ANKRD28: variants seen among roughly 807,000 people sequenced by gnomAD.
ANKRD28 encodes serine/threonine-protein phosphatase 6 regulatory ankyrin repeat subunit A.
A neutral mutation model predicts 126.5 loss-of-function variants in ANKRD28; 44 were observed. The ratio of observed to expected loss-of-function variants is 0.35; its 90% CI spans 0.27 to 0.45. The LOEUF (loss-of-function observed/expected upper bound fraction) is 0.45, where lower values mean the gene tolerates loss of function less well. Ranked by LOEUF, ANKRD28 falls within the 20% of genes least tolerant of loss-of-function variation. ANKRD28 has a pLI of 1.00. For missense variants in ANKRD28, 1,110 were observed against 1,316.6 expected, an observed-to-expected ratio of 0.84 and a Z score of 2.43; for synonymous variants, 442 against 468.5, an observed-to-expected ratio of 0.94 and a Z score of 0.73.
intron 4 of ANKRD28, among the ~76,000 whole-genome samples, chr3:15,742,766 C>A (rs1486863143): frequency 1.5e-5 from 2 of 132,238 alleles, no homozygotes; most frequent in Admixed American, 1.5e-4. Context: ...GGGTCAGCCC[C>A]CCGCCCGGCC....
chr3:15,819,802 G>C (rs891439264), intron 1 of ANKRD28, among the ~76,000 whole-genome samples: 2 of 152,176 alleles, frequency 1.3e-5, no homozygotes, highest in Non-Finnish European at 2.9e-5. Flanking sequence ...CACAAAGGCT[G>C]TTAAACCAAT....
rs1390579490 is a variant in ANKRD28, at chr3:15,797,440, A to AG, written c.-920dup. On this transcript the variant is annotated 5_prime_UTR_variant, in exon 1 of 28. Coordinates refer to ENST00000683139, the MANE Select transcript of ANKRD28 (RefSeq NM_001349278.2). The stretch of plus-strand genomic sequence containing the variant: ...AGTTGTCTGTGGCTGCTCCAGCAAA[A>AG]GGGCACAGGCACCAGGCAGAAATGG... The AG allele has an allele frequency of 1.0e-6, 1 of 985,432 alleles. No homozygotes were observed. The allele number at this position is 985,432 out of a possible 1,614,324, so 61.0% of individuals were successfully genotyped here. A position where few individuals can be genotyped will look rare whatever the true frequency, so the allele number is the denominator to read the frequency against.
intron 4 of ANKRD28, among the ~76,000 whole-genome samples, chr3:15,749,101 G>GTTTTTTTTTT (rs869266246): frequency 1.1e-4 from 6 of 53,072 alleles, no homozygotes; most frequent in Admixed American, 7.9e-4. Flanking sequence ...TTATGTTTTT[G>GTTTTTTTTTT]TTTTTTTTTT....
intron 1 of ANKRD28, among the ~76,000 whole-genome samples, chr3:15,857,121 C>G (rs756970485): frequency 2.0e-5 from 3 of 152,144 alleles, no homozygotes; most frequent in Non-Finnish European, 4.4e-5. Flanking sequence ...GCTAATAAAA[C>G]AACATATAAG....
intron 8 of ANKRD28, among the ~76,000 whole-genome samples, chr3:15,720,488 T>C (rs1037040366): frequency 6.6e-6 from 1 of 152,240 alleles, no homozygotes; most frequent in African/African-American, 2.4e-5. Context: ...ATCTGTTTAG[T>C]ATTTTCCTTC....
intron 26 of ANKRD28, 150 bp downstream of exon 26, chr3:15,676,824 T>G: frequency 1.8e-6 from 1 of 554,534 alleles, no homozygotes. Flanking sequence ...TGTGATCATT[T>G]TAGAAATGAG....
chr3:15,818,703 TG>T (rs1168117181), intron 1 of ANKRD28, among the ~76,000 whole-genome samples: 7 of 152,196 alleles, frequency 4.6e-5, no homozygotes, highest in Non-Finnish European at 7.3e-5. Flanking sequence ...TTAATATTTT[TG>T]GACCATAATT....
At chr3:15,820,939 A>G (rs9864129) in intron 1 of ANKRD28, among the ~76,000 whole-genome samples, 1 of 152,148 alleles carries the variant, frequency 6.6e-6, no homozygotes, top group Admixed American at 6.5e-5. Flanking sequence ...CAATACATAT[A>G]TGAACCAATT....
intron 4 of ANKRD28, among the ~76,000 whole-genome samples, chr3:15,746,019 T>C (rs1296503150): frequency 6.6e-6 from 1 of 152,210 alleles, no homozygotes; most frequent in East Asian, 1.9e-4. Flanking sequence ...TGGTCGCCAT[T>C]AGTGTATAGC....
chr3:15,767,700 TAAAAAAAAAAAAAAAAAAAAAAAAAAAA>T lies in ANKRD28; in HGVS notation c.202-1416_202-1389del, dbSNP rs57072807. On this transcript the variant is annotated intron_variant, in intron 2 of 27. Coordinates refer to ENST00000683139, the MANE Select transcript of ANKRD28 (RefSeq NM_001349278.2). ...TAACACAATGAAACCTAGTCTCTAC[TAAAAAAAAAAAAAAAAAAAAAAAAAAAA>T]AAAAAAAAAAAAAGCCGCACGTGGT... Among the ~76,000 whole-genome samples, 40 of 64,358 alleles carry T rather than the reference TAAAAAAAAAAAAAAAAAAAAAAAAAAAA, an allele frequency of 6.2e-4. 1 individual carries two copies. The highest frequency in any genetic ancestry group is 5.5e-4 in the Non-Finnish European group (19 of 34,348). 42.2% of individuals were successfully genotyped at this position (64,358 alleles called of 152,430 possible).
chr3:15,714,640 G>C lies in ANKRD28; in HGVS notation c.1013C>G (p.Thr338Ser), dbSNP rs1231070347. The change falls in exon 9 of 28, where the codon ACC (threonine) becomes AGC (serine). Residue 338 changes from threonine (T) to serine (S), a missense_variant. Physicochemically the swap from Thr to Ser is moderately conservative, Grantham distance 58 (BLOSUM62 1). Transcript: ENST00000683139. ...DVNMKSKDGK[T>S]PLHMTALHGR... Reference sequence around the variant, plus strand: ...GTGGAGAGCAGTCATGTGTAGTGGGGTTTTCCCATCTTTACTCTGGGGGGG... The same window carrying C: ...GTGGAGAGCAGTCATGTGTAGTGGGCTTTTCCCATCTTTACTCTGGGGGGG... The C allele has an allele frequency of 1.3e-6, 2 of 1,594,500 alleles. No individual in the cohort carries two copies. The highest frequency in any genetic ancestry group is 2.7e-5 in the African/African-American group (2 of 73,588).
chr3:15,811,744 C>T (rs532427517), intron 1 of ANKRD28, among the ~76,000 whole-genome samples: 6 of 151,606 alleles, frequency 4.0e-5, no homozygotes, highest in African/African-American at 9.7e-5. Flanking sequence ...TGAGCCACTG[C>T]GCCTGGCCAG....
intron 20 of ANKRD28, among the ~76,000 whole-genome samples, 188 bp downstream of exon 20, chr3:15,685,811 CATT>C (rs2068048224): frequency 6.6e-6 from 1 of 152,156 alleles, no homozygotes; most frequent in African/African-American, 2.4e-5. Context: ...TTTGTTCTAA[CATT>C]GTTCTCTAGA....
chr3:15,819,718 C>T (rs149437839), intron 1 of ANKRD28, among the ~76,000 whole-genome samples: 2 of 152,282 alleles, frequency 1.3e-5, no homozygotes, highest in East Asian at 3.9e-4. Flanking sequence ...TTACAAAAAA[C>T]AATGCTTTCC....
chr3:15,819,738 T>C (rs1482367141), intron 1 of ANKRD28, among the ~76,000 whole-genome samples: 2 of 152,188 alleles, frequency 1.3e-5, no homozygotes, highest in African/African-American at 2.4e-5. Context: ...CTCAATAAAT[T>C]ACTAAAATGT....
At chr3:15,832,856 C>T (rs768445605) in intron 1 of ANKRD28, among the ~76,000 whole-genome samples, 6 of 152,140 alleles carry the variant, frequency 3.9e-5, no homozygotes, top group Non-Finnish European at 5.9e-5. Flanking sequence ...GCTGATTCCA[C>T]GTATATGCTA....
chr3:15,771,526 A>G (rs2059007822), intron 2 of ANKRD28, among the ~76,000 whole-genome samples: 1 of 152,074 alleles, frequency 6.6e-6, no homozygotes, highest in Non-Finnish European at 1.5e-5. Flanking sequence ...GAAGAGAGTG[A>G]TCAAGAGAGA....
intron 14 of ANKRD28, among the ~76,000 whole-genome samples, chr3:15,696,549 T>G (rs188643184): frequency 1.2e-3 from 182 of 152,230 alleles, no homozygotes; most frequent in Non-Finnish European, 2.2e-3. Flanking sequence ...CACCACCTAT[T>G]CTACTAAACA....
At chr3:15,849,671 T>C (rs1483718013) in intron 1 of ANKRD28, among the ~76,000 whole-genome samples, 2 of 152,184 alleles carry the variant, frequency 1.3e-5, no homozygotes, top group African/African-American at 4.8e-5. Context: ...CCTTATCTTC[T>C]ACCTGTTTCA....
Sources: allele counts gnomAD v4.1 joint callset (sites outside exome capture counted in the v4.1 genomes callset), GRCh38; gene constraint gnomAD v4.1.1; transcripts MANE v1.5; gene names NCBI Gene and HGNC (gene_info 2026-07-23, HGNC 2026-07-21).